ANKDD1A: variants seen among roughly 807,000 people sequenced by gnomAD.
ANKDD1A encodes ankyrin repeat and death domain-containing protein 1A.
In ANKDD1A, 59 loss-of-function variants were observed where a neutral mutation model predicts 63.5. The ratio of observed to expected loss-of-function variants is 0.93; its 90% CI spans 0.75 to 1.15. The LOEUF (loss-of-function observed/expected upper bound fraction) is 1.15. Among genes scored for constraint, ANKDD1A ranks in the 50% most tolerant of loss-of-function variants. The probability of loss-of-function intolerance (pLI) is 0.00; values close to 1 mark genes in which losing one functional copy is unlikely to be tolerated. For synonymous variants in ANKDD1A, 266 were observed against 263.9 expected, an observed-to-expected ratio of 1.01 and a Z score of -0.08; for missense variants, 632 against 656.4, an observed-to-expected ratio of 0.96 and a Z score of 0.41.
In ANKDD1A at chr15:64,952,141, ATTC is replaced by A. The variant is rs199837437; in HGVS notation, c.1483+2176_1483+2178del. Among the ~76,000 whole-genome samples the A allele has an allele frequency of 2.6e-3, 276 of 105,882 alleles. 5 individuals carry two copies. In the East Asian group the frequency reaches 0.043, roughly 17 times the overall value. 69.5% of individuals were successfully genotyped at this position (105,882 alleles called of 152,430 possible). A position where few individuals can be genotyped will look rare whatever the true frequency, so the allele number is the denominator to read the frequency against. ...TTTCTTCTCTTTCTTCTTCTTCCTT[ATTC>A]TTCTTCCTCTTTCTTCATCTTTTTC... On this transcript the variant is annotated intron_variant, in intron 14 of 14. Coordinates refer to ENST00000319580, the MANE Select transcript of ANKDD1A (RefSeq NM_182703.6).
At chr15:64,953,628 T>TTCTTCCTTCTTTC (rs1472903050) in intron 14 of ANKDD1A, among the ~76,000 whole-genome samples, 1 of 125,632 alleles carries the variant, frequency 8.0e-6, no homozygotes, top group Admixed American at 8.7e-5. Context: ...CTTCTTCTTC[T>TTCTTCCTTCTTTC]TCCTTCTTCT....
chr15:64,940,119 A>G (rs1656431250), intron 9 of ANKDD1A, among the ~76,000 whole-genome samples: 1 of 144,688 alleles, frequency 6.9e-6, no homozygotes, highest in Admixed American at 7.4e-5. Flanking sequence ...TCTAGAGTAT[A>G]TAAAGGGCTC....
Position 64,917,381 on chromosome 15 carries a change from G to A in ANKDD1A, c.139-5G>A. ...ACCTGACAAGTGTCATCTCCCTCCG[G>A]GCAGGTGGGCAGGGTGGCCCTGCAC... is the stretch of plus-strand genomic sequence containing the variant. On this transcript the variant is annotated splice_polypyrimidine_tract_variant and splice_region_variant and intron_variant, in intron 2 of 14. Transcript: ENST00000319580. The A allele has an allele frequency of 2.5e-6, 4 of 1,602,594 alleles. No homozygotes were observed. The highest frequency in any genetic ancestry group is 3.4e-6 in the Non-Finnish European group (4 of 1,173,858).
At chr15:64,929,784 A>G (rs1381962937) in intron 6 of ANKDD1A, among the ~76,000 whole-genome samples, 1 of 152,172 alleles carries the variant, frequency 6.6e-6, no homozygotes, top group African/African-American at 2.4e-5. Context: ...CAGAGAACAA[A>G]ATAGATGCCC....
intron 14 of ANKDD1A, among the ~76,000 whole-genome samples, chr15:64,953,720 CTCCTTCTT>C (rs2085357133): frequency 1.5e-4 from 1 of 6,758 alleles, no homozygotes; most frequent in Non-Finnish European, 5.1e-4. Context: ...CCTTGTTCTT[CTCCTTCTT>C]CTCCTCCTTC....
At chr15:64,954,680 T>G (rs1029657203) in intron 14 of ANKDD1A, among the ~76,000 whole-genome samples, 1 of 144,810 alleles carries the variant, frequency 6.9e-6, no homozygotes, top group East Asian at 2.0e-4. Context: ...CTCTTCTTCT[T>G]CTCTCCTTCT....
At chr15:64,936,025 T>C (rs1225067772) in intron 9 of ANKDD1A, among the ~76,000 whole-genome samples, 1 of 152,202 alleles carries the variant, frequency 6.6e-6, no homozygotes, top group African/African-American at 2.4e-5. Flanking sequence ...CTTTGACCTA[T>C]TTGGGCCTGT....
chr15:64,948,837 A>AT (rs996700052), intron 13 of ANKDD1A, among the ~76,000 whole-genome samples: 1 of 152,140 alleles, frequency 6.6e-6, no homozygotes, highest in African/African-American at 2.4e-5. Flanking sequence ...CAAAGGAAAA[A>AT]AAAAAGATTC....
chr15:64,954,381 T>TCCTCCTCTCCTCCTTCGTTCGTC lies in ANKDD1A; in HGVS notation c.1484-2722_1484-2721insCCTCCTCTCCTCCTTCGTTCGTC. On this transcript the variant is annotated intron_variant, in intron 14 of 14. Coordinates refer to ENST00000319580, the MANE Select transcript of ANKDD1A (RefSeq NM_182703.6). ...TTCTTCTCCTTCTTCTTCCTTTTCT[T>TCCTCCTCTCCTCCTTCGTTCGTC]TTCTTCTTCTTTCTTCTTCCTTCCT... Among the ~76,000 whole-genome samples the TCCTCCTCTCCTCCTTCGTTCGTC allele has an allele frequency of 2.5e-4, 2 of 7,996 alleles. 1 individual carries two copies. The highest frequency in any genetic ancestry group is 0.017 in the East Asian group (2 of 118). 5.2% of individuals were successfully genotyped at this position (7,996 alleles called of 152,430 possible).
chr15:64,927,859 C>T (rs2085059264), intron 6 of ANKDD1A, among the ~76,000 whole-genome samples: 1 of 152,164 alleles, frequency 6.6e-6, no homozygotes, highest in Non-Finnish European at 1.5e-5. Flanking sequence ...CCCGCCTCAG[C>T]CTCCCAAAGT....
intron 1 of ANKDD1A, among the ~76,000 whole-genome samples, chr15:64,915,258 TC>T (rs2084960272): frequency 6.6e-6 from 1 of 152,086 alleles, no homozygotes; most frequent in East Asian, 1.9e-4. Context: ...TGAGACAAGA[TC>T]ACGCCACTGC....
chr15:64,953,647 CTT>C (rs2085353231), intron 14 of ANKDD1A, among the ~76,000 whole-genome samples: 2 of 5,496 alleles, frequency 3.6e-4, no homozygotes, highest in Admixed American at 2.7e-3. Flanking sequence ...CTTCCTCTTC[CTT>C]CTCCTTCTTT....
chr15:64,942,683 T>TC, intron 10 of ANKDD1A, 118 bp downstream of exon 10: 1 of 739,942 alleles, frequency 1.4e-6, no homozygotes, highest in Non-Finnish European at 2.1e-6. Context: ...TTTTTTTTTT[T>TC]TTTTTTTAGC....
At position 64,922,099 on chromosome 15, in the gene ANKDD1A, C is replaced by G. The variant is rs1033457620; in HGVS notation, c.366+80C>G. ...CAGGTCTCCCCCGACCTCTGTCCCC[C>G]ACCCCTGCTTGCCCCTCCAGCCCCC... On this transcript the variant is annotated intron_variant, in intron 4 of 14. Transcript: ENST00000319580. The G allele has an allele frequency of 5.2e-6, 7 of 1,346,122 alleles. No individual in the cohort carries two copies. The East Asian group carries it at 1.2e-4, about 24-fold the overall frequency. The allele number at this position is 1,346,122 out of a possible 1,614,324, so 83.4% of individuals were successfully genotyped here.
chr15:64,930,846 G>A lies in ANKDD1A; in HGVS notation c.595G>A (p.Ala199Thr), dbSNP rs777122725. ...GGAGGGGAACACTGCCCTTCATCTG[G>A]CTGCTGGTCGGGGCCATATGGCTGT... ...DKEGNTALHLAAGRGHMAVLQ... is the reference protein window; with the variant it reads ...DKEGNTALHLTAGRGHMAVLQ... Residue 199 changes from alanine (A) to threonine (T), a missense_variant, in exon 7 of 15, where the codon GCT (alanine) becomes ACT (threonine). Coordinates refer to ENST00000319580, the MANE Select transcript of ANKDD1A (RefSeq NM_182703.6). 3 of 1,613,046 alleles carry A rather than the reference G, an allele frequency of 1.9e-6. No individual in the cohort carries two copies. The highest frequency in any genetic ancestry group is 1.3e-5 in the African/African-American group (1 of 75,064).
At position 64,944,747 on chromosome 15, in the gene ANKDD1A, G is replaced by A. The variant is rs1280558423; in HGVS notation, c.1161G>A (p.Lys387=). 6.8e-6 allele frequency: 11 copies of A among 1,613,760 alleles called. No individual in the cohort carries two copies. Among genetic ancestry groups the A allele is most frequent in the East Asian group, 4.5e-5 (2 of 44,894 alleles). ...CTGATCGTTTCTACAGATGGGAGAA[G>A]GTACGGAGGCCTCACGCTTGATCTT... ...IKADRFYRWE[K]DHPSDPSGKS... is the part of the protein sequence containing the mutation. Residue 387 remains lysine, a splice_region_variant and synonymous_variant, in exon 12 of 15, where the codon AAG becomes AAA. Coordinates refer to ENST00000319580, the MANE Select transcript of ANKDD1A (RefSeq NM_182703.6).
chr15:64,953,126 CTTCTTCCTTTT>C (rs200976034), intron 14 of ANKDD1A, among the ~76,000 whole-genome samples: 2,727 of 136,282 alleles, frequency 0.02, 42 homozygotes, highest in Admixed American at 0.03. Context: ...TTTCTACTTT[CTTCTTCCTTTT>C]TTCTTCCTTT....
intron 14 of ANKDD1A, chr15:64,950,760 A>C: frequency 1.2e-6 from 1 of 809,754 alleles, no homozygotes; most frequent in Non-Finnish European, 1.4e-6. Flanking sequence ...CATAGCTGCT[A>C]TAGGCAAGGT....
At chr15:64,932,390 CA>C (rs2085098860) in intron 8 of ANKDD1A, 1 of 152,232 alleles carries the variant, frequency 6.6e-6, no homozygotes. Flanking sequence ...AGCTCCCACC[CA>C]CTGATGAAGC....
Sources: allele counts gnomAD v4.1 joint callset (sites outside exome capture counted in the v4.1 genomes callset), GRCh38; gene constraint gnomAD v4.1.1; transcripts MANE v1.5; gene names NCBI Gene and HGNC (gene_info 2026-07-23, HGNC 2026-07-21).